The following ZNF385B variants were observed in gnomAD, a reference collection of about 807,000 sequenced individuals.
The protein encoded by ZNF385B is zinc finger protein 533.
ZNF385B carries 23 observed loss-of-function variants against 39.2 expected under a neutral mutation model. The observed-to-expected ratio is 0.59, with a 90% CI of 0.42 to 0.83. ZNF385B has a LOEUF of 0.83. Among genes scored for constraint, ZNF385B ranks in the 40% least tolerant of loss-of-function variants. The probability of loss-of-function intolerance (pLI) is 0.00; values close to 1 mark genes in which losing one functional copy is unlikely to be tolerated. For missense variants in ZNF385B, 552 were observed against 598.9 expected (o/e 0.92, Z 0.82); for synonymous variants, 205 against 222.6 (o/e 0.92, Z 0.70).
At chr2:179,829,787 A>G (rs1384897655) in intron 1 of ZNF385B, among the ~76,000 whole-genome samples, 1 of 152,226 alleles carries the variant, frequency 6.6e-6, no homozygotes, top group Non-Finnish European at 1.5e-5. Flanking sequence ...TGCTGGGATT[A>G]CAGGCGTGAC....
At chr2:179,522,799 A>G (rs1429725655) in intron 4 of ZNF385B, 10 of 334,148 alleles carry the variant, frequency 3.0e-5, no homozygotes, top group Non-Finnish European at 5.5e-5. Flanking sequence ...GAAAAGTATA[A>G]TTCATTAGGA....
intron 3 of ZNF385B, among the ~76,000 whole-genome samples, chr2:179,560,952 C>T (rs1377963301): frequency 1.3e-5 from 2 of 152,194 alleles, no homozygotes; most frequent in Admixed American, 6.5e-5. Context: ...GTTTTTATTA[C>T]GTGCTCCCAC....
chr2:179,581,811 G>A (rs189816268), intron 3 of ZNF385B, among the ~76,000 whole-genome samples: 20 of 152,290 alleles, frequency 1.3e-4, no homozygotes, highest in Admixed American at 9.8e-4. Context: ...AGAAAGGTGT[G>A]TTTCCTCCTT....
intron 3 of ZNF385B, among the ~76,000 whole-genome samples, chr2:179,683,978 A>G (rs1575221894): frequency 6.6e-6 from 1 of 152,094 alleles, no homozygotes. Flanking sequence ...CTATTCTCAT[A>G]TTAATTTTTT....
chr2:179,812,240 C>T (rs1158319727), intron 1 of ZNF385B, among the ~76,000 whole-genome samples: 1 of 152,110 alleles, frequency 6.6e-6, no homozygotes, highest in Non-Finnish European at 1.5e-5. Flanking sequence ...GGAGGTTTCT[C>T]AAAGAACCTA....
chr2:179,726,681 A>G (rs540462632), intron 3 of ZNF385B, among the ~76,000 whole-genome samples: 1 of 152,162 alleles, frequency 6.6e-6, no homozygotes, highest in African/African-American at 2.4e-5. Flanking sequence ...GTCCAATATC[A>G]ACACACAAGT....
At chr2:179,757,220 G>A (rs201269169) in intron 3 of ZNF385B, among the ~76,000 whole-genome samples, 1 of 146,060 alleles carries the variant, frequency 6.8e-6, no homozygotes, top group Non-Finnish European at 1.5e-5. Flanking sequence ...GAGTTTGCTG[G>A]AGGTCCACTC....
intron 3 of ZNF385B, among the ~76,000 whole-genome samples, chr2:179,750,293 A>T (rs1395831189): frequency 6.6e-6 from 1 of 152,136 alleles, no homozygotes; most frequent in African/African-American, 2.4e-5. Flanking sequence ...AATCTCAATA[A>T]ACCCTACAAT....
At chr2:179,694,974 G>A (rs1450148794) in intron 3 of ZNF385B, among the ~76,000 whole-genome samples, 2 of 151,612 alleles carry the variant, frequency 1.3e-5, no homozygotes, top group East Asian at 3.9e-4. Flanking sequence ...AGGAGGAGGA[G>A]GAGGAGGAGG....
intron 3 of ZNF385B, among the ~76,000 whole-genome samples, chr2:179,710,336 C>A (rs1025892370): frequency 6.6e-6 from 1 of 152,128 alleles, no homozygotes; most frequent in Non-Finnish European, 1.5e-5. Flanking sequence ...ACTACCTACC[C>A]AGGAGCACAT....
chr2:179,756,322 G>A (rs1265292425), intron 3 of ZNF385B, among the ~76,000 whole-genome samples: 1 of 152,156 alleles, frequency 6.6e-6, no homozygotes, highest in African/African-American at 2.4e-5. Context: ...CTCTCTTCTG[G>A]CTTGTAGAGT....
At chr2:179,836,396 T>C (rs1708245750) in intron 1 of ZNF385B, among the ~76,000 whole-genome samples, 1 of 152,212 alleles carries the variant, frequency 6.6e-6, no homozygotes, top group Admixed American at 6.5e-5. Context: ...TACTGGAATA[T>C]TTGCATTTAG....
intron 1 of ZNF385B, among the ~76,000 whole-genome samples, chr2:179,856,287 G>A (rs1041695155): frequency 7.2e-5 from 11 of 152,006 alleles, no homozygotes; most frequent in African/African-American, 2.2e-4. Flanking sequence ...AACACCAGAC[G>A]GGGGCATACA....
chr2:179,748,489 T>A (rs1272552834), intron 3 of ZNF385B, among the ~76,000 whole-genome samples: 1 of 152,110 alleles, frequency 6.6e-6, no homozygotes, highest in Non-Finnish European at 1.5e-5. Context: ...ATATCCATAA[T>A]GTTAAACAGT....
At chr2:179,841,951 A>C (rs1399413109) in intron 1 of ZNF385B, among the ~76,000 whole-genome samples, 2 of 152,202 alleles carry the variant, frequency 1.3e-5, no homozygotes, top group Admixed American at 1.3e-4. Context: ...TCCACATTGC[A>C]GCTAAATTAC....
intron 1 of ZNF385B, among the ~76,000 whole-genome samples, chr2:179,829,877 AAACTT>A (rs1217351433): frequency 2.0e-5 from 3 of 152,260 alleles, no homozygotes; most frequent in African/African-American, 7.2e-5. Flanking sequence ...ATGATAGAAG[AAACTT>A]AACTGAAATT....
intron 3 of ZNF385B, among the ~76,000 whole-genome samples, chr2:179,600,265 C>T (rs1414769423): frequency 6.6e-6 from 1 of 152,088 alleles, no homozygotes; most frequent in Non-Finnish European, 1.5e-5. Flanking sequence ...CAACAATGGG[C>T]TCAATAAAGA....
chr2:179,685,509 T>A (rs1274823145), intron 3 of ZNF385B, among the ~76,000 whole-genome samples: 1 of 152,200 alleles, frequency 6.6e-6, no homozygotes, highest in Non-Finnish European at 1.5e-5. Flanking sequence ...ACTGCCCTCC[T>A]AATTAAAAGT....
chr2:179,635,128 C>T (rs9753151), intron 3 of ZNF385B, among the ~76,000 whole-genome samples: 16,981 of 148,848 alleles, frequency 0.11, 1,454 homozygotes, highest in African/African-American at 0.23. Context: ...GGCAACAGAG[C>T]GAAACTCCGT....
Sources: gnomAD v4.1 joint callset for allele counts (sites outside exome capture counted in the v4.1 genomes callset) on GRCh38, gnomAD v4.1.1 for gene constraint, MANE v1.5 for transcripts, NCBI Gene and HGNC (gene_info 2026-07-23, HGNC 2026-07-21) for gene names.